EPHA6: variants seen among roughly 807,000 people sequenced by gnomAD.
EPHA6 encodes the protein EPH receptor A6, also known as ephrin type-A receptor 6.
In EPHA6, 50 loss-of-function variants were observed where a neutral mutation model predicts 112.0. The ratio of observed to expected loss-of-function variants is 0.45; its 90% confidence interval spans 0.36 to 0.56. The LOEUF (loss-of-function observed/expected upper bound fraction) is 0.56, where lower values mean the gene tolerates loss of function less well. EPHA6 is among the 20% of genes least tolerant of loss of function. The pLI is 0.00. For missense variants in EPHA6, 1,280 were observed against 1,417.4 expected (o/e 0.90, Z 1.56); for synonymous variants, 529 against 490.7 (o/e 1.08, Z -1.03).
intron 11 of EPHA6, 82 bp from the exon 12 acceptor site, chr3:97,592,530 T>G (rs2093554510): frequency 1.3e-6 from 2 of 1,515,306 alleles, no homozygotes; most frequent in South Asian, 1.2e-5. Context: ...TCTTTGTTGA[T>G]TTTAGGTTTT....
chr3:97,601,045 T>C (rs997655187), intron 12 of EPHA6, among the ~76,000 whole-genome samples: 1 of 152,106 alleles, frequency 6.6e-6, no homozygotes, highest in Non-Finnish European at 1.5e-5. Flanking sequence ...TAATGTCATT[T>C]GAATAAGTTT....
At chr3:97,732,484 A>C (rs1190859563) in intron 15 of EPHA6, among the ~76,000 whole-genome samples, 2 of 152,064 alleles carry the variant, frequency 1.3e-5, no homozygotes, top group African/African-American at 4.8e-5. Flanking sequence ...TTATCCCTTG[A>C]ACACAGAATG....
At chr3:97,545,729 C>T (rs1022537601) in intron 11 of EPHA6, among the ~76,000 whole-genome samples, 4 of 152,126 alleles carry the variant, frequency 2.6e-5, no homozygotes, top group African/African-American at 9.7e-5. Context: ...TAGGGACTTG[C>T]TTTATGAATC....
At chr3:97,529,230 T>C (rs1157323559) in intron 10 of EPHA6, among the ~76,000 whole-genome samples, 2 of 152,138 alleles carry the variant, frequency 1.3e-5, no homozygotes, top group Non-Finnish European at 2.9e-5. Flanking sequence ...ATGACAACAC[T>C]ACCACTTTCT....
intron 15 of EPHA6, among the ~76,000 whole-genome samples, chr3:97,730,002 T>C (rs898807371): frequency 6.6e-6 from 1 of 152,138 alleles, no homozygotes; most frequent in Non-Finnish European, 1.5e-5. Context: ...TTGAGACAGT[T>C]TCTTTTTAAA....
intron 3 of EPHA6, among the ~76,000 whole-genome samples, chr3:97,003,476 A>G (rs1415802188): frequency 6.6e-6 from 1 of 152,136 alleles, no homozygotes; most frequent in Admixed American, 6.6e-5. Context: ...ACCTTAGTGG[A>G]GAGATCTATT....
chr3:96,859,862 G>A (rs1278611784), intron 1 of EPHA6, among the ~76,000 whole-genome samples: 1 of 152,024 alleles, frequency 6.6e-6, no homozygotes, highest in African/African-American at 2.4e-5. Flanking sequence ...TTTTAGAAGA[G>A]CAATTTAAAC....
intron 3 of EPHA6, among the ~76,000 whole-genome samples, chr3:97,214,032 T>TGAGA (rs1328519658): frequency 5.6e-4 from 76 of 136,902 alleles, no homozygotes; most frequent in Admixed American, 3.3e-3. Flanking sequence ...TGTGTGTGTG[T>TGAGA]GTGTGTGAGA....
intron 5 of EPHA6, among the ~76,000 whole-genome samples, chr3:97,282,785 A>G (rs184165838): frequency 3.5e-4 from 54 of 152,330 alleles, no homozygotes; most frequent in Admixed American, 3.5e-3. Flanking sequence ...GAGCTGAACA[A>G]TGACAACACA....
chr3:97,525,689 G>T (rs1488087502), intron 10 of EPHA6, among the ~76,000 whole-genome samples: 1 of 152,118 alleles, frequency 6.6e-6, no homozygotes, highest in Non-Finnish European at 1.5e-5. Context: ...ATTACCTCTG[G>T]GCTCATGATT....
At chr3:97,442,163 G>A (rs1433523491) in intron 6 of EPHA6, among the ~76,000 whole-genome samples, 1 of 152,144 alleles carries the variant, frequency 6.6e-6, no homozygotes, top group Non-Finnish European at 1.5e-5. Context: ...TTTTACAGAA[G>A]TGGTATAACT....
In EPHA6 at chr3:97,312,582, TC is replaced by T. The variant is rs1016542565; in HGVS notation, c.1606+68298del. 1.7e-3 allele frequency among the ~76,000 whole-genome samples: 254 copies of T among 151,624 alleles called. 2 individuals are homozygous for T. Among genetic ancestry groups the T allele is most frequent in the African/African-American group, 5.6e-3 (234 of 41,484 alleles). ...AGTCTGAAATCCAAAACACTTCTGG[TC>T]CCAATCATTTTGGATAAGGGATAAT... On this transcript the variant is annotated intron_variant, in intron 5 of 17. Coordinates refer to ENST00000389672, the MANE Select transcript of EPHA6 (RefSeq NM_001080448.3).
intron 5 of EPHA6, among the ~76,000 whole-genome samples, chr3:97,391,710 G>A (rs1302394286): frequency 6.6e-6 from 1 of 151,804 alleles, no homozygotes; most frequent in Non-Finnish European, 1.5e-5. Flanking sequence ...AGACATAAAA[G>A]CCAATTCCAT....
At chr3:97,640,751 G>C (rs2093996001) in intron 14 of EPHA6, among the ~76,000 whole-genome samples, 2 of 151,990 alleles carry the variant, frequency 1.3e-5, no homozygotes, top group South Asian at 4.1e-4. Flanking sequence ...TTGAACTCCA[G>C]CCTGGTCAAC....
intron 11 of EPHA6, among the ~76,000 whole-genome samples, chr3:97,573,908 G>A (rs2093357953): frequency 6.6e-6 from 1 of 151,498 alleles, no homozygotes; most frequent in South Asian, 2.1e-4. Flanking sequence ...AAACAGATAG[G>A]CACAGAACTT....
intron 3 of EPHA6, among the ~76,000 whole-genome samples, chr3:97,191,404 T>A (rs988183892): frequency 6.6e-6 from 1 of 152,016 alleles, no homozygotes; most frequent in Non-Finnish European, 1.5e-5. Flanking sequence ...TATCAAATAC[T>A]AGATCTTATT....
intron 10 of EPHA6, among the ~76,000 whole-genome samples, chr3:97,497,301 A>G (rs1431780235): frequency 6.6e-6 from 1 of 152,078 alleles, no homozygotes; most frequent in Non-Finnish European, 1.5e-5. Flanking sequence ...AACTTTCTAC[A>G]TGCACTCCTA....
intron 1 of EPHA6, among the ~76,000 whole-genome samples, chr3:96,843,808 T>G (rs560608688): frequency 7.9e-5 from 12 of 152,078 alleles, no homozygotes; most frequent in Non-Finnish European, 1.6e-4. Context: ...AAAGTATGCC[T>G]TAACAATGAC....
rs2091544614 is a variant in EPHA6, at chr3:97,481,511, G to T, written c.2074+2147G>T. On this transcript the variant is annotated intron_variant, in intron 9 of 17. Transcript: ENST00000389672. ...AACCATAGTTCCGGTTCTTCCTCCG[G>T]CGCGGGGCTAAGTGCAGGCCCGGGG... 3.0e-6 allele frequency: 3 copies of T among 1,009,838 alleles called. No homozygotes were observed. In the Admixed American group the frequency reaches 5.3e-5, roughly 18 times the overall value. The allele number at this position is 1,009,838 out of a possible 1,614,324, so 62.6% of individuals were successfully genotyped here. A position where few individuals can be genotyped will look rare whatever the true frequency, so the allele number is the denominator to read the frequency against.
Sources: gnomAD v4.1 joint callset for allele counts (sites outside exome capture counted in the v4.1 genomes callset) on GRCh38, gnomAD v4.1.1 for gene constraint, MANE v1.5 for transcripts, NCBI Gene and HGNC (gene_info 2026-07-23, HGNC 2026-07-21) for gene names.